The following IL13RA1 variants were observed in gnomAD, a reference collection of about 807,000 sequenced individuals.
The protein encoded by IL13RA1 is interleukin 13 receptor subunit alpha 1.
IL13RA1 carries 14 observed loss-of-function variants against 33.8 expected under a neutral mutation model. That is an observed-to-expected ratio of 0.41 (90% confidence interval 0.27 to 0.65). The LOEUF is 0.65. IL13RA1 is among the 30% of genes least tolerant of loss of function. IL13RA1 has a pLI of 0.28. For synonymous variants in IL13RA1, 116 were observed against 115.7 expected (o/e 1.00, Z -0.02); for missense variants, 313 against 327.0 (o/e 0.96, Z 0.33).
chrX:118,757,607 T>A (rs747897191), intron 4 of IL13RA1, among the ~76,000 whole-genome samples: 89 of 103,887 alleles, frequency 8.6e-4, no homozygotes, highest in Non-Finnish European at 1.4e-3. Flanking sequence ...AGGGTTTTTT[T>A]AAAAAAAGTT....
downstream of IL13RA1, among the ~76,000 whole-genome samples, chrX:118,795,211 C>CAAAAAAA (rs1222782237): frequency 3.7e-5 from 1 of 26,839 alleles, no homozygotes; most frequent in Admixed American, 4.6e-4. Context: ...GACTCCGTCT[C>CAAAAAAA]AAAAAAAAAA....
At chrX:118,767,548 G>GA (rs759733778) in intron 8 of IL13RA1, among the ~76,000 whole-genome samples, 45 of 102,314 alleles carry the variant, frequency 4.4e-4, no homozygotes, top group South Asian at 1.7e-3. Context: ...CAAGGAAGAA[G>GA]AAAAAAAAAA....
At chrX:118,785,710 A>G (rs2017909335) in intron 10 of IL13RA1, among the ~76,000 whole-genome samples, 1 of 110,854 alleles carries the variant, frequency 9.0e-6, no homozygotes, top group Non-Finnish European at 1.9e-5. Context: ...AGCTGGGATT[A>G]CAGGCACATG....
intron 1 of IL13RA1, among the ~76,000 whole-genome samples, chrX:118,738,822 C>A (rs1360630930): frequency 1.3e-5 from 1 of 78,132 alleles, no homozygotes; most frequent in African/African-American, 5.2e-5. Flanking sequence ...TAGTCTTGCT[C>A]TGTTGCCCAG....
rs778905149 is a variant in IL13RA1, at chrX:118,761,287, T to C, written c.826T>C (p.Tyr276His). 4.2e-6 allele frequency: 4 copies of C among 963,125 alleles called. No homozygotes were observed. Among genetic ancestry groups the C allele is most frequent in the Non-Finnish European group, 2.8e-6 (2 of 703,651 alleles). 79.4% of individuals were successfully genotyped at this position (963,125 alleles called of 1,213,427 possible). A position where few individuals can be genotyped will look rare whatever the true frequency, so the allele number is the denominator to read the frequency against. The change falls in exon 6 of 11, where the codon TAC becomes CAC. Residue 276 changes from tyrosine (Y) to histidine (H), a missense_variant and splice_region_variant. Tyr to His is a moderately conservative substitution (Grantham distance 83). Coordinates refer to ENST00000371666, the MANE Select transcript of IL13RA1 (RefSeq NM_001560.3). Reference sequence around the variant, plus strand: ...CCAAACTGAGACACATAATGTTTTCTACGTAAGGTTTTAAAATTATTGTTT... The same window carrying C: ...CCAAACTGAGACACATAATGTTTTCCACGTAAGGTTTTAAAATTATTGTTT... ...NSQTETHNVF[Y>H]VQEAKCENPE...
the IL13RA1 span, among the ~76,000 whole-genome samples, chrX:118,799,850 T>G: frequency 1.7e-4 from 10 of 59,707 alleles, no homozygotes; most frequent in African/African-American, 6.2e-4. Flanking sequence ...GCACCTTGTG[T>G]TTAGCTCAAG....
intron 1 of IL13RA1, among the ~76,000 whole-genome samples, 195 bp downstream of exon 1, chrX:118,727,921 G>T (rs1266666986): frequency 8.9e-6 from 1 of 112,422 alleles, no homozygotes; most frequent in Admixed American, 9.2e-5. Flanking sequence ...TACTGGGGCC[G>T]GTTCGAGGTG....
At chrX:118,756,398 T>A (rs1235071413) in intron 4 of IL13RA1, among the ~76,000 whole-genome samples, 1 of 111,548 alleles carries the variant, frequency 9.0e-6, no homozygotes, top group Non-Finnish European at 1.9e-5. Context: ...GGGAAAGGTA[T>A]GTGTCGAGGA....
the IL13RA1 span, among the ~76,000 whole-genome samples, chrX:118,802,896 C>T: frequency 9.0e-6 from 1 of 111,698 alleles, no homozygotes; most frequent in South Asian, 3.7e-4. Flanking sequence ...AGCTCCACCC[C>T]ACTATCCCCC....
At chrX:118,780,006 C>A (rs938767935) in intron 10 of IL13RA1, among the ~76,000 whole-genome samples, 1 of 111,546 alleles carries the variant, frequency 9.0e-6, no homozygotes, top group Non-Finnish European at 1.9e-5. Flanking sequence ...AATTTGGTGA[C>A]GCAAATATAC....
At chrX:118,800,532 C>G in the IL13RA1 span, among the ~76,000 whole-genome samples, 18 of 110,633 alleles carry the variant, frequency 1.6e-4, no homozygotes, top group Non-Finnish European at 2.5e-4. Context: ...GGAAGAAACT[C>G]GGAACACATC....
At chrX:118,733,637 C>T (rs892470883) in intron 1 of IL13RA1, among the ~76,000 whole-genome samples, 1 of 111,712 alleles carries the variant, frequency 9.0e-6, no homozygotes, top group African/African-American at 3.3e-5. Flanking sequence ...AAATCCAATT[C>T]GTCAATTTTT....
chrX:118,804,548 A>G, the IL13RA1 span, among the ~76,000 whole-genome samples: 1 of 112,035 alleles, frequency 8.9e-6, no homozygotes, highest in African/African-American at 3.2e-5. Context: ...CAAATTGGAA[A>G]TGTGATACTA....
the IL13RA1 span, among the ~76,000 whole-genome samples, chrX:118,802,126 G>A: frequency 2.7e-5 from 3 of 110,793 alleles, no homozygotes; most frequent in South Asian, 3.8e-4. Context: ...GAGGGTTGCC[G>A]TACACTCTGC....
At chrX:118,739,763 G>T (rs2017321929) in intron 1 of IL13RA1, among the ~76,000 whole-genome samples, 1 of 110,833 alleles carries the variant, frequency 9.0e-6, no homozygotes, top group Non-Finnish European at 1.9e-5. Context: ...CAAAGCTCTA[G>T]CTCCAGCTGT....
intron 8 of IL13RA1, among the ~76,000 whole-genome samples, chrX:118,768,954 G>C (rs914280977): frequency 8.9e-6 from 1 of 112,303 alleles, no homozygotes; most frequent in African/African-American, 3.2e-5. Flanking sequence ...TTAGTTCCTT[G>C]CCACTTGGAC....
intron 4 of IL13RA1, among the ~76,000 whole-genome samples, chrX:118,754,881 A>G (rs2017510027): frequency 1.8e-5 from 2 of 109,581 alleles, no homozygotes; most frequent in African/African-American, 6.6e-5. Context: ...AATCACATCA[A>G]ACAAACTGCC....
At chrX:118,771,177 C>T (rs1250609607) in intron 8 of IL13RA1, among the ~76,000 whole-genome samples, 2 of 112,029 alleles carry the variant, frequency 1.8e-5, no homozygotes, top group Admixed American at 9.4e-5. Flanking sequence ...TTTTCAACCC[C>T]TACCAGAGGA....
chrX:118,768,212 G>A (rs1164469176), intron 8 of IL13RA1, among the ~76,000 whole-genome samples: 3 of 112,114 alleles, frequency 2.7e-5, no homozygotes, highest in Non-Finnish European at 3.8e-5. Context: ...TAATTGAGAA[G>A]CTCAACAAGT....
Sources: gnomAD v4.1 joint callset for allele counts (sites outside exome capture counted in the v4.1 genomes callset) on GRCh38, gnomAD v4.1.1 for gene constraint, MANE v1.5 for transcripts, NCBI Gene and HGNC (gene_info 2026-07-23, HGNC 2026-07-21) for gene names.